The following UBE2B variants were observed in gnomAD, a reference collection of about 807,000 sequenced individuals.
UBE2B encodes ubiquitin conjugating enzyme E2 B.
Under a neutral mutation model 24.6 loss-of-function variants are expected in UBE2B, and 11 were observed. That is an observed-to-expected ratio of 0.45 (90% CI 0.28 to 0.74). UBE2B has a LOEUF of 0.74. Ranked by LOEUF, UBE2B falls within the 30% of genes least tolerant of loss-of-function variation. UBE2B has a pLI of 0.13. For synonymous variants in UBE2B, 68 were observed against 62.4 expected (o/e 1.09, Z -0.42); for missense variants, 78 against 185.6 (o/e 0.42, Z 3.37).
chr5:134,378,912 G>C (rs1294722332), intron 3 of UBE2B, among the ~76,000 whole-genome samples: 4 of 143,278 alleles, frequency 2.8e-5, no homozygotes, highest in Non-Finnish European at 6.0e-5. Flanking sequence ...CTGGACAACA[G>C]AGCAAGACTC....
chr5:134,388,730 C>G (rs1015977682), intron 5 of UBE2B, among the ~76,000 whole-genome samples: 1 of 151,574 alleles, frequency 6.6e-6, no homozygotes, highest in African/African-American at 2.4e-5. Context: ...AGTATGTTAC[C>G]CCATCCAAGA....
intron 2 of UBE2B, among the ~76,000 whole-genome samples, chr5:134,376,364 T>TATATATATATATATATATATATACAC (rs70976528): frequency 1.3e-5 from 1 of 79,496 alleles, no homozygotes; most frequent in African/African-American, 5.1e-5. Flanking sequence ...TATATATATA[T>TATATATATATATATATATATATACAC]ACACATATGT....
Position 134,390,324 on chromosome 5 carries a change from A to G in UBE2B, c.430A>G (p.Ile144Val), listed in dbSNP as rs1561683885. ...KREYEKRVSA[I>V]VEQSWNDS is the part of the protein sequence containing the mutation. ...AGAATATGAGAAAAGAGTTTCGGCC[A>G]TTGTTGAACAAAGCTGGAATGATTC... The change falls in exon 6 of 6, where the codon ATT (isoleucine) becomes GTT (valine). Residue 144 changes from isoleucine (I) to valine (V), a missense_variant. This residue lies in a region of UBE2B where 57 missense variants were observed against 167.7 expected (regional missense o/e 0.34). Transcript: ENST00000265339. This position sits in a 1 kb window ranked among gnomAD's most constrained non-coding sequence, Gnocchi z 4.6. The G allele has an allele frequency of 1.2e-6, 2 of 1,614,122 alleles. No individual in the cohort carries two copies. Among genetic ancestry groups the G allele is most frequent in the Non-Finnish European group, 1.7e-6 (2 of 1,180,000 alleles).
intron 5 of UBE2B, chr5:134,388,912 T>C: frequency 2.7e-6 from 1 of 365,246 alleles, no homozygotes; most frequent in Non-Finnish European, 5.2e-6. Context: ...TGTGATGTTC[T>C]TTTTAAAGTT....
rs747399191 is a variant in UBE2B at position 134,383,473 on chromosome 5, CTTTT to C, written c.241+2689_241+2692del. 4.9e-3 allele frequency among the ~76,000 whole-genome samples: 391 copies of C among 80,028 alleles called. 4 individuals carry two copies. Among genetic ancestry groups the C allele is most frequent in the African/African-American group, 0.018 (324 of 18,426 alleles). 52.5% of individuals were successfully genotyped at this position (80,028 alleles called of 152,430 possible). A position where few individuals can be genotyped will look rare whatever the true frequency, so the allele number is the denominator to read the frequency against. On this transcript the variant is annotated intron_variant, in intron 4 of 5. Transcript: ENST00000265339. ...TGCAGATGTGTGCCACCATACCCAG[CTTTT>C]TTTTTTTTTTTTTTTTTTTTTTTGA...
intron 5 of UBE2B, chr5:134,389,897 G>T: frequency 2.9e-6 from 1 of 349,676 alleles, no homozygotes; most frequent in South Asian, 2.4e-5. Context: ...CCCAGGCTGG[G>T]CTTGAACTGC....
intron 4 of UBE2B, chr5:134,385,549 C>T (rs1231060311): frequency 6.6e-6 from 1 of 152,106 alleles, no homozygotes; most frequent in Non-Finnish European, 1.5e-5. Context: ...CACAATTGGG[C>T]AAATACTTAA....
intron 4 of UBE2B, among the ~76,000 whole-genome samples, chr5:134,381,818 C>T (rs577930861): frequency 2.0e-5 from 3 of 152,170 alleles, no homozygotes; most frequent in Non-Finnish European, 1.5e-5. Flanking sequence ...ATGGTGGGCA[C>T]CTGTAATCTC....
chr5:134,376,184 A>G (rs1349470913), intron 2 of UBE2B, among the ~76,000 whole-genome samples: 1 of 149,604 alleles, frequency 6.7e-6, no homozygotes, highest in Non-Finnish European at 1.5e-5. Context: ...AAATACAAAA[A>G]TTAGCCAGGC....
rs35796549 is a variant in UBE2B, at chr5:134,383,296, T to C, written c.241+2488T>C. ...ACAATTTTAAATAGCACTTTGAACA[T>C]TCTTAAAAATCTTAAAAATTTTTTT... On this transcript the variant is annotated intron_variant, in intron 4 of 5. Transcript: ENST00000265339. Among the ~76,000 whole-genome samples the C allele has an allele frequency of 3.3e-5, 5 of 152,268 alleles. No homozygotes were observed. In the East Asian group the frequency reaches 9.6e-4, roughly 29 times the overall value.
intron 3 of UBE2B, 115 bp from the exon 4 acceptor site, chr5:134,380,604 C>T (rs993545489): frequency 7.6e-5 from 51 of 667,384 alleles, no homozygotes; most frequent in African/African-American, 9.1e-5. Flanking sequence ...GCCGAACCAA[C>T]GTTGACATAC....
Position 134,388,387 on chromosome 5 carries a change from G to A in UBE2B, c.304G>A (p.Val102Ile). 6.2e-7 allele frequency: 1 copy of A among 1,613,994 alleles called. No individual in the cohort carries two copies. Among genetic ancestry groups the A allele is most frequent in the Non-Finnish European group, 8.5e-7 (1 of 1,179,928 alleles). ...GAATCGATGGAGTCCAACATATGAT[G>A]TATCTTCTATCTTAACATCAATTCA... Reference protein sequence around the residue: ...LQNRWSPTYDVSSILTSIQSL... With the variant: ...LQNRWSPTYDISSILTSIQSL... The change falls in exon 5 of 6, where the codon GTA (valine) becomes ATA (isoleucine). Residue 102 changes from valine to isoleucine, a missense_variant. Around this residue, in one of 2 missense-constraint regions of UBE2B, gnomAD observed 57 missense variants for 167.7 expected, o/e 0.34. Coordinates refer to ENST00000265339, the MANE Select transcript of UBE2B (RefSeq NM_003337.4).
intron 4 of UBE2B, chr5:134,388,028 C>T (rs904837795): frequency 2.6e-6 from 1 of 380,926 alleles, no homozygotes; most frequent in African/African-American, 2.1e-5. Context: ...GTCTCAGACT[C>T]CTGACCTCAA....
chr5:134,379,643 C>CA (rs374868073), intron 3 of UBE2B, among the ~76,000 whole-genome samples: 14,175 of 91,724 alleles, frequency 0.15, 937 homozygotes, highest in Middle Eastern at 0.24. Flanking sequence ...GACTCTGTCT[C>CA]AACAAAAAAA....
chr5:134,378,940 A>G (rs976101118), intron 3 of UBE2B, among the ~76,000 whole-genome samples: 1 of 151,952 alleles, frequency 6.6e-6, no homozygotes. Context: ...AAAAAAAAAA[A>G]AAAAAACAGT....
At chr5:134,379,919 A>G (rs1052238585) in intron 3 of UBE2B, among the ~76,000 whole-genome samples, 2 of 151,428 alleles carry the variant, frequency 1.3e-5, no homozygotes, top group African/African-American at 4.9e-5. Context: ...AGTTTAACCT[A>G]CCTTTTTTTT....
At chr5:134,388,654 A>T (rs1758847583) in intron 5 of UBE2B, among the ~76,000 whole-genome samples, 1 of 152,200 alleles carries the variant, frequency 6.6e-6, no homozygotes, top group Admixed American at 6.5e-5. Context: ...AGGGTTGTGG[A>T]AAAGAAAAAA....
At chr5:134,382,835 G>C (rs1171349215) in intron 4 of UBE2B, among the ~76,000 whole-genome samples, 1 of 151,556 alleles carries the variant, frequency 6.6e-6, no homozygotes, top group Non-Finnish European at 1.5e-5. Flanking sequence ...TGGTTTGTTT[G>C]TTTTTGTTTT....
intron 4 of UBE2B, among the ~76,000 whole-genome samples, chr5:134,385,988 G>C (rs1345575816): frequency 6.6e-6 from 1 of 151,086 alleles, no homozygotes; most frequent in Admixed American, 6.6e-5. Flanking sequence ...ACTCCAGCCT[G>C]GGTGACAGAG....
Sources: allele counts gnomAD v4.1 joint callset (sites outside exome capture counted in the v4.1 genomes callset), GRCh38; gene constraint gnomAD v4.1.1; regional missense constraint gnomAD v4.1.1; non-coding constraint Gnocchi (gnomAD v3.1); transcripts MANE v1.5; gene names NCBI Gene and HGNC (gene_info 2026-07-23, HGNC 2026-07-21).